The following HLCS variants were observed in gnomAD, a reference collection of about 807,000 sequenced individuals.
HLCS encodes biotin--protein ligase.
In HLCS, 53 loss-of-function variants were observed where a neutral mutation model predicts 75.0. The ratio of observed to expected loss-of-function variants is 0.71; its 90% CI spans 0.57 to 0.89. HLCS has a LOEUF of 0.89. Ranked by LOEUF, HLCS falls within the 40% of genes least tolerant of loss-of-function variation. The probability of loss-of-function intolerance (pLI) is 0.00; values close to 1 mark genes in which losing one functional copy is unlikely to be tolerated. For synonymous variants in HLCS, 431 were observed against 428.6 expected, an observed-to-expected ratio of 1.01 and a Z score of -0.07; for missense variants, 966 against 1,074.0, an observed-to-expected ratio of 0.90 and a Z score of 1.41.
At chr21:36,863,648 C>A (rs35693831) in intron 6 of HLCS, among the ~76,000 whole-genome samples, 28,606 of 152,112 alleles carry the variant, frequency 0.19, 2,838 homozygotes, top group Middle Eastern at 0.28. Context: ...CTGCAGCAAC[C>A]ACATCTCTGG....
chr21:36,984,846 T>C (rs1236267935), intron 1 of HLCS, among the ~76,000 whole-genome samples: 1 of 151,628 alleles, frequency 6.6e-6, no homozygotes, highest in Non-Finnish European at 1.5e-5. Flanking sequence ...TGTTCTGGAA[T>C]GTTCCATTTT....
At chr21:36,897,224 G>A in intron 5 of HLCS, 93 bp from the exon 6 acceptor site, 2 of 1,247,192 alleles carry the variant, frequency 1.6e-6, no homozygotes, top group Non-Finnish European at 2.3e-6. Flanking sequence ...GGTAATATGA[G>A]TACTTCCTAA....
At chr21:36,773,669 C>A (rs906230191) in intron 6 of HLCS, among the ~76,000 whole-genome samples, 2 of 152,196 alleles carry the variant, frequency 1.3e-5, no homozygotes, top group African/African-American at 4.8e-5. Flanking sequence ...GAGAGACACA[C>A]ACTCTCATGA....
chr21:36,895,908 T>G (rs1227627058), intron 6 of HLCS, among the ~76,000 whole-genome samples: 1 of 152,228 alleles, frequency 6.6e-6, no homozygotes, highest in Non-Finnish European at 1.5e-5. Flanking sequence ...ATAGTATTAG[T>G]ACTATTGGGG....
chr21:36,947,010 G>C (rs2067431325), intron 2 of HLCS, among the ~76,000 whole-genome samples: 1 of 152,160 alleles, frequency 6.6e-6, no homozygotes, highest in Non-Finnish European at 1.5e-5. Context: ...CTGGGATGAA[G>C]GTGCGTGGGA....
chr21:36,786,868 G>A (rs986265117), intron 6 of HLCS, among the ~76,000 whole-genome samples: 1 of 152,216 alleles, frequency 6.6e-6, no homozygotes, highest in African/African-American at 2.4e-5. Flanking sequence ...TGATGGGAAG[G>A]ATAACGAGTG....
At chr21:36,936,157 C>T (rs1242223362) in intron 4 of HLCS, among the ~76,000 whole-genome samples, 1 of 152,160 alleles carries the variant, frequency 6.6e-6, no homozygotes, top group East Asian at 1.9e-4. Flanking sequence ...TAGTAAAGAA[C>T]AAAACGAGAA....
intron 6 of HLCS, among the ~76,000 whole-genome samples, chr21:36,887,131 A>G (rs911698481): frequency 2.3e-3 from 9 of 3,994 alleles, no homozygotes; most frequent in Non-Finnish European, 5.0e-3. Flanking sequence ...TTCTGTCTCA[A>G]AAAAAAAAAA....
intron 6 of HLCS, among the ~76,000 whole-genome samples, chr21:36,853,285 C>T (rs1246773760): frequency 6.6e-6 from 1 of 152,152 alleles, no homozygotes; most frequent in Admixed American, 6.5e-5. Flanking sequence ...ATCTTTAAAC[C>T]TCTCCTTAAA....
chr21:36,888,402 T>C (rs2064564209), intron 6 of HLCS, among the ~76,000 whole-genome samples: 1 of 134,684 alleles, frequency 7.4e-6, no homozygotes, highest in African/African-American at 2.9e-5. Context: ...GCAGCTATTC[T>C]CCCCAATGCG....
chr21:36,857,815 A>T (rs2063248162), intron 6 of HLCS, among the ~76,000 whole-genome samples: 1 of 152,034 alleles, frequency 6.6e-6, no homozygotes, highest in Admixed American at 6.6e-5. Context: ...TTTGAGATGG[A>T]GTCTCACTCT....
Position 36,756,274 on chromosome 21 carries a change from TA to T in HLCS, c.2450+267del, listed in dbSNP as rs2089577959. Among the ~76,000 whole-genome samples the T allele has an allele frequency of 2.0e-5, 3 of 151,438 alleles. No individual in the cohort carries two copies. The South Asian group carries it at 6.3e-4, about 32-fold the overall frequency. ...TAACACGGTGAAACCCCACCTCCAC[TA>T]AAAATACAAAAAATTAGCCGGGTGT... On this transcript the variant is annotated intron_variant, in intron 10 of 10. Coordinates refer to ENST00000674895, the MANE Select transcript of HLCS (RefSeq NM_001352514.2).
chr21:36,948,700 G>A (rs971847689), intron 2 of HLCS, among the ~76,000 whole-genome samples: 10 of 120,878 alleles, frequency 8.3e-5, no homozygotes, highest in African/African-American at 3.2e-4. Flanking sequence ...CTGCACTCCA[G>A]CCTGGATGAC....
chr21:36,951,401 C>T (rs985340910), intron 2 of HLCS, among the ~76,000 whole-genome samples: 2 of 152,154 alleles, frequency 1.3e-5, no homozygotes, highest in African/African-American at 2.4e-5. Context: ...GTCCTTTCCT[C>T]CTTTCACCTA....
rs938599331 is a variant in HLCS, at chr21:36,886,197, C to T, written c.1892+10663G>A. Among the ~76,000 whole-genome samples, 11 of 151,768 alleles carry T rather than the reference C, an allele frequency of 7.2e-5. No individual in the cohort carries two copies. The South Asian group carries it at 1.5e-3, about 20-fold the overall frequency. On this transcript the variant is annotated intron_variant, in intron 6 of 10. Coordinates refer to ENST00000674895, the MANE Select transcript of HLCS (RefSeq NM_001352514.2). ...CTGTAATCCCAGCACTTTGGGAGGC[C>T]GAGACGGGCGGATCACGAGGTCAGG...
intron 2 of HLCS, chr21:36,947,585 C>G (rs1203342111): frequency 1.0e-6 from 1 of 985,324 alleles, no homozygotes; most frequent in East Asian, 1.1e-4. Context: ...GCTAAGGAAG[C>G]CCTGGCTGTC....
intron 6 of HLCS, among the ~76,000 whole-genome samples, chr21:36,812,407 T>C (rs567792290): frequency 1.3e-5 from 2 of 152,348 alleles, no homozygotes; most frequent in South Asian, 4.1e-4. Flanking sequence ...GTACGCTTTA[T>C]CCTTTGATTT....
chr21:36,888,913 C>T (rs1310492021), intron 6 of HLCS, among the ~76,000 whole-genome samples: 1 of 152,102 alleles, frequency 6.6e-6, no homozygotes, highest in Non-Finnish European at 1.5e-5. Flanking sequence ...AAAAACAAAA[C>T]ACCACACATC....
chr21:36,881,130 C>T (rs916791468), intron 6 of HLCS, among the ~76,000 whole-genome samples: 5 of 152,018 alleles, frequency 3.3e-5, no homozygotes, highest in East Asian at 3.9e-4. Flanking sequence ...CCACCATGCC[C>T]GACTAATTTT....
Sources: gnomAD v4.1 joint callset for allele counts (sites outside exome capture counted in the v4.1 genomes callset) on GRCh38, gnomAD v4.1.1 for gene constraint, MANE v1.5 for transcripts, NCBI Gene and HGNC (gene_info 2026-07-23, HGNC 2026-07-21) for gene names.